Variants in ROBO1 observed in about 807,000 individuals in gnomAD.
ROBO1 encodes the protein roundabout guidance receptor 1.
In ROBO1, 149 loss-of-function variants were observed where a neutral mutation model predicts 195.9. That is an observed-to-expected ratio of 0.76 (90% CI 0.67 to 0.87). The LOEUF is 0.87. ROBO1 is among the 40% of genes least tolerant of loss of function. The pLI, the probability that ROBO1 is intolerant of heterozygous loss-of-function variation, is 0.00. For missense variants in ROBO1, 1,933 were observed against 2,068.3 expected (o/e 0.93, Z 1.27); for synonymous variants, 816 against 733.2 (o/e 1.11, Z -1.82).
At chr3:78,772,056 A>G (rs1456486872) in intron 4 of ROBO1, among the ~76,000 whole-genome samples, 2 of 152,164 alleles carry the variant, frequency 1.3e-5, no homozygotes, top group African/African-American at 4.8e-5. Flanking sequence ...AAATGTTGAC[A>G]AAAACCATAT....
At chr3:78,937,265 T>C (rs1322677873) in intron 4 of ROBO1, among the ~76,000 whole-genome samples, 2 of 151,972 alleles carry the variant, frequency 1.3e-5, no homozygotes, top group Non-Finnish European at 2.9e-5. Flanking sequence ...TATAATTTTA[T>C]AATTATATCA....
At chr3:79,417,219 T>C (rs1192306322) in intron 2 of ROBO1, among the ~76,000 whole-genome samples, 1 of 152,136 alleles carries the variant, frequency 6.6e-6, no homozygotes, top group Non-Finnish European at 1.5e-5. Flanking sequence ...GGGTTTTCTT[T>C]CTGCTCTCAT....
intron 29 of ROBO1, among the ~76,000 whole-genome samples, chr3:78,605,579 C>T (rs1024776338): frequency 6.6e-5 from 10 of 152,178 alleles, no homozygotes; most frequent in African/African-American, 2.4e-4. Flanking sequence ...ACATAATTAT[C>T]ACCTCTGTGT....
At chr3:79,120,217 G>A (rs1287963651) in intron 3 of ROBO1, among the ~76,000 whole-genome samples, 1 of 152,194 alleles carries the variant, frequency 6.6e-6, no homozygotes, top group Non-Finnish European at 1.5e-5. Context: ...GAAATTAGGA[G>A]AGAAAAACAA....
intron 3 of ROBO1, among the ~76,000 whole-genome samples, chr3:79,076,902 C>T (rs2079183536): frequency 6.6e-6 from 1 of 151,780 alleles, no homozygotes; most frequent in African/African-American, 2.4e-5. Context: ...TTAACTTAGT[C>T]ATATTTCACT....
At chr3:78,794,782 A>T (rs969280274) in intron 4 of ROBO1, among the ~76,000 whole-genome samples, 9 of 152,072 alleles carry the variant, frequency 5.9e-5, no homozygotes, top group Non-Finnish European at 4.4e-5. Flanking sequence ...GAGTTTTGCC[A>T]TATTGCCCAG....
chr3:78,632,620 G>A (rs1053304164), intron 24 of ROBO1, among the ~76,000 whole-genome samples: 5 of 151,890 alleles, frequency 3.3e-5, no homozygotes, highest in Non-Finnish European at 5.9e-5. Flanking sequence ...TTACCATCAC[G>A]CATCTTTACA....
rs5850434 is a variant in ROBO1 at position 79,534,148 on chromosome 3, C to CAAAAA, written c.88+55671_88+55675dup. Among the ~76,000 whole-genome samples the CAAAAA allele has an allele frequency of 1.4e-3, 82 of 59,972 alleles. 2 individuals are homozygous for CAAAAA. Among genetic ancestry groups the CAAAAA allele is most frequent in the African/African-American group, 3.6e-3 (58 of 16,008 alleles). The allele number at this position is 59,972 out of a possible 152,430, so 39.3% of individuals were successfully genotyped here. A position where few individuals can be genotyped will look rare whatever the true frequency, so the allele number is the denominator to read the frequency against. ...GGAAGACTCTAGATGCTGGGGAAGG[C>CAAAAA]AAAAAAAAAAAAAAAAAAAAAAAAA... On this transcript the variant is annotated intron_variant, in intron 2 of 30. Coordinates refer to ENST00000464233, the MANE Select transcript of ROBO1 (RefSeq NM_002941.4).
At chr3:78,847,077 G>A (rs1302809853) in intron 4 of ROBO1, among the ~76,000 whole-genome samples, 1 of 151,992 alleles carries the variant, frequency 6.6e-6, no homozygotes, top group Non-Finnish European at 1.5e-5. Context: ...AAATAGAACA[G>A]GGAAATCGAT....
chr3:78,925,433 T>C (rs1388473541), intron 4 of ROBO1, among the ~76,000 whole-genome samples: 1 of 152,194 alleles, frequency 6.6e-6, no homozygotes, highest in Non-Finnish European at 1.5e-5. Context: ...AAAAAATTAT[T>C]TGTTTCCAAA....
At chr3:79,441,063 A>C (rs1439891166) in intron 2 of ROBO1, among the ~76,000 whole-genome samples, 3 of 152,142 alleles carry the variant, frequency 2.0e-5, no homozygotes, top group African/African-American at 4.8e-5. Context: ...ATTGTTATCC[A>C]AAAAACATAT....
At chr3:79,066,942 A>T (rs904613190) in intron 3 of ROBO1, among the ~76,000 whole-genome samples, 1 of 151,960 alleles carries the variant, frequency 6.6e-6, no homozygotes, top group Non-Finnish European at 1.5e-5. Context: ...AGTAAGCGGT[A>T]CAGGAGCAGT....
chr3:79,186,355 T>C (rs980382941), intron 2 of ROBO1, among the ~76,000 whole-genome samples: 1 of 152,090 alleles, frequency 6.6e-6, no homozygotes, highest in Admixed American at 6.6e-5. Context: ...ACGTGTTTTA[T>C]ATTTACACAT....
intron 18 of ROBO1, among the ~76,000 whole-genome samples, chr3:78,653,903 C>T (rs143988333): frequency 6.6e-6 from 1 of 152,300 alleles, no homozygotes; most frequent in East Asian, 1.9e-4. Flanking sequence ...ACACCCACAA[C>T]CAAATTCTCC....
At chr3:78,995,432 T>C (rs901744773) in intron 3 of ROBO1, among the ~76,000 whole-genome samples, 7 of 152,052 alleles carry the variant, frequency 4.6e-5, no homozygotes, top group Admixed American at 3.9e-4. Context: ...TGGCACCATC[T>C]CAGACAGAGC....
At chr3:79,103,992 C>T (rs538656902) in intron 3 of ROBO1, among the ~76,000 whole-genome samples, 5 of 151,648 alleles carry the variant, frequency 3.3e-5, no homozygotes, top group East Asian at 1.9e-4. Flanking sequence ...GAATATGGCC[C>T]GAACCTCTGC....
chr3:79,335,220 T>C (rs183702602), intron 2 of ROBO1, among the ~76,000 whole-genome samples: 1 of 152,242 alleles, frequency 6.6e-6, no homozygotes, highest in Non-Finnish European at 1.5e-5. Flanking sequence ...CTACATATAC[T>C]ACATATATTA....
intron 18 of ROBO1, among the ~76,000 whole-genome samples, chr3:78,656,051 T>A (rs1223873273): frequency 6.6e-6 from 1 of 152,190 alleles, no homozygotes; most frequent in Non-Finnish European, 1.5e-5. Flanking sequence ...AGCATGCACT[T>A]ACTAATTTGT....
At chr3:79,601,105 A>G (rs1351236411) in intron 1 of ROBO1, among the ~76,000 whole-genome samples, 1 of 151,962 alleles carries the variant, frequency 6.6e-6, no homozygotes, top group East Asian at 1.9e-4. Flanking sequence ...AAACTGGAAA[A>G]TGTTCATCCC....
Sources: gnomAD v4.1 joint callset for allele counts (sites outside exome capture counted in the v4.1 genomes callset) on GRCh38, gnomAD v4.1.1 for gene constraint, MANE v1.5 for transcripts, NCBI Gene and HGNC (gene_info 2026-07-23, HGNC 2026-07-21) for gene names.